RIPOR2: variants seen among roughly 807,000 people sequenced by gnomAD.
RIPOR2 encodes the protein RHO family interacting cell polarization regulator 2.
A neutral mutation model predicts 114.5 loss-of-function variants in RIPOR2; 39 were observed. The ratio of observed to expected loss-of-function variants is 0.34; its 90% CI spans 0.26 to 0.44. The LOEUF (loss-of-function observed/expected upper bound fraction) is 0.44. Among genes scored for constraint, RIPOR2 ranks in the 20% least tolerant of loss-of-function variants. RIPOR2 has a pLI of 1.00. For missense variants in RIPOR2, 1,007 were observed against 1,255.1 expected (o/e 0.80, Z 2.99); for synonymous variants, 445 against 484.4 (o/e 0.92, Z 1.07).
At chr6:24,986,778 G>T (rs907637767) in intron 1 of RIPOR2, among the ~76,000 whole-genome samples, 2 of 152,128 alleles carry the variant, frequency 1.3e-5, no homozygotes, top group Middle Eastern at 3.2e-3. Flanking sequence ...AGATTAAATT[G>T]TTCAAATATT....
At chr6:24,910,646 G>A in intron 1 of RIPOR2, 1 of 199,224 alleles carries the variant, frequency 5.0e-6, no homozygotes, top group Non-Finnish European at 9.0e-6. Flanking sequence ...GTACCCTGTG[G>A]GCTTCAGATG....
intron 1 of RIPOR2, among the ~76,000 whole-genome samples, chr6:24,996,799 C>T (rs1437147346): frequency 6.6e-6 from 1 of 152,216 alleles, no homozygotes; most frequent in Non-Finnish European, 1.5e-5. Context: ...ATAGCACTTA[C>T]TGTATTGTTC....
At chr6:24,820,278 G>A (rs60024049) in intron 19 of RIPOR2, among the ~76,000 whole-genome samples, 10 of 151,862 alleles carry the variant, frequency 6.6e-5, no homozygotes, top group Admixed American at 2.0e-4. Flanking sequence ...TGATCCGTCC[G>A]CCTCGGCCTC....
At chr6:24,954,483 TCTCA>T (rs1695263511) in intron 1 of RIPOR2, among the ~76,000 whole-genome samples, 1 of 104,382 alleles carries the variant, frequency 9.6e-6, no homozygotes, top group South Asian at 3.1e-4. Flanking sequence ...TGAGACAGGG[TCTCA>T]CTCTGTTGCC....
chr6:24,848,890 G>A (rs1419438313), intron 11 of RIPOR2, among the ~76,000 whole-genome samples: 1 of 152,200 alleles, frequency 6.6e-6, no homozygotes, highest in African/African-American at 2.4e-5. Context: ...TACATTAAAT[G>A]TTGTGAACTA....
intron 1 of RIPOR2, among the ~76,000 whole-genome samples, chr6:24,885,761 G>A (rs569228734): frequency 2.2e-4 from 34 of 151,970 alleles, no homozygotes; most frequent in Non-Finnish European, 3.7e-4. Flanking sequence ...GACCTGGTAT[G>A]TAGTAGGTGT....
intron 7 of RIPOR2, among the ~76,000 whole-genome samples, chr6:24,862,830 T>C (rs1764207513): frequency 6.9e-6 from 1 of 144,564 alleles, no homozygotes; most frequent in South Asian, 2.4e-4. Context: ...CAGCCACTGA[T>C]GAACATTGCT....
intron 1 of RIPOR2, among the ~76,000 whole-genome samples, chr6:24,882,131 T>A (rs1352740021): frequency 6.6e-6 from 1 of 152,100 alleles, no homozygotes; most frequent in East Asian, 1.9e-4. Context: ...CCAGTAGAAG[T>A]AGTAAAAGTG....
intron 8 of RIPOR2, among the ~76,000 whole-genome samples, chr6:24,853,705 C>A (rs558875105): frequency 6.6e-6 from 1 of 152,166 alleles, no homozygotes; most frequent in Non-Finnish European, 1.5e-5. Context: ...GGACAATGGA[C>A]GGCATCTAAC....
At chr6:24,988,307 T>A (rs1185118237) in intron 1 of RIPOR2, among the ~76,000 whole-genome samples, 1 of 152,144 alleles carries the variant, frequency 6.6e-6, no homozygotes, top group Non-Finnish European at 1.5e-5. Flanking sequence ...TGCCTCAGCC[T>A]CCCAAGTAGC....
chr6:24,955,971 C>T (rs954782221), intron 1 of RIPOR2, among the ~76,000 whole-genome samples: 2 of 146,674 alleles, frequency 1.4e-5, no homozygotes, highest in African/African-American at 2.5e-5. Context: ...ATTGCAGCAA[C>T]CGCACTCCAG....
intron 1 of RIPOR2, among the ~76,000 whole-genome samples, chr6:24,973,028 C>A (rs1489817301): frequency 1.3e-5 from 2 of 150,744 alleles, no homozygotes; most frequent in African/African-American, 4.9e-5. Flanking sequence ...TTATCTATGG[C>A]ACAAATTTGA....
intron 1 of RIPOR2, among the ~76,000 whole-genome samples, chr6:25,040,179 A>G (rs183770787): frequency 3.3e-5 from 5 of 151,590 alleles, no homozygotes; most frequent in South Asian, 2.1e-4. Context: ...ACAATGGCAC[A>G]ATCTCCGCTC....
chr6:25,009,172 T>C (rs932802970), intron 1 of RIPOR2, among the ~76,000 whole-genome samples: 6 of 152,140 alleles, frequency 3.9e-5, no homozygotes, highest in Non-Finnish European at 8.8e-5. Context: ...CCCCTCGCAG[T>C]AGGGAGCACA....
At chr6:24,908,509 G>A (rs1251282489) in intron 1 of RIPOR2, among the ~76,000 whole-genome samples, 1 of 152,212 alleles carries the variant, frequency 6.6e-6, no homozygotes, top group African/African-American at 2.4e-5. Context: ...AACACAAAGT[G>A]TAACAGAGAA....
At position 24,849,834 on chromosome 6, in the gene RIPOR2, A is replaced by G. The variant is rs2113772350; in HGVS notation, c.1002T>C (p.Gly334=). 6.2e-7 allele frequency: 1 copy of G among 1,613,944 alleles called. No homozygotes were observed. Among genetic ancestry groups the G allele is most frequent in the East Asian group, 2.2e-5 (1 of 44,888 alleles). ...QVVAVDINDL[G]TIKLNLEITW... is the part of the protein sequence containing the mutation. ...TGATTTCCAGGTTCAGTTTGATGGT[A>G]CCAAGGTCATTGATGTCGACAGCCA... Residue 334 remains glycine, a synonymous_variant, in exon 11 of 22, where the codon GGT becomes GGC. Coordinates refer to ENST00000643898, the MANE Select transcript of RIPOR2 (RefSeq NM_001286445.3).
At chr6:24,852,682 G>A (rs1581601506) in intron 8 of RIPOR2, 64 bp from the exon 9 acceptor site, 2 of 1,209,508 alleles carry the variant, frequency 1.7e-6, no homozygotes, top group East Asian at 5.3e-5. Context: ...GACACATACT[G>A]GCACGTTAAA....
chr6:24,901,121 G>A (rs1666785633), intron 1 of RIPOR2, among the ~76,000 whole-genome samples: 1 of 152,052 alleles, frequency 6.6e-6, no homozygotes, highest in Non-Finnish European at 1.5e-5. Context: ...TTTACCATAT[G>A]CAGAATCTTA....
chr6:24,972,981 A>G (rs1231538661), intron 1 of RIPOR2, among the ~76,000 whole-genome samples: 1 of 152,184 alleles, frequency 6.6e-6, no homozygotes, highest in African/African-American at 2.4e-5. Context: ...GGCTTGCTCC[A>G]CTGCTGAGGG....
Sources: gnomAD v4.1 joint callset for allele counts (sites outside exome capture counted in the v4.1 genomes callset) on GRCh38, gnomAD v4.1.1 for gene constraint, MANE v1.5 for transcripts, NCBI Gene and HGNC (gene_info 2026-07-23, HGNC 2026-07-21) for gene names.